Variants in SUCO observed in about 807,000 individuals in gnomAD.
SUCO encodes the protein SUN domain-containing ossification factor.
In SUCO, 57 loss-of-function variants were observed where a neutral mutation model predicts 148.1. The ratio of observed to expected loss-of-function variants is 0.38; its 90% CI spans 0.31 to 0.48. The LOEUF is 0.48. Ranked by LOEUF, SUCO falls within the 20% of genes least tolerant of loss-of-function variation. SUCO has a pLI of 0.96. For synonymous variants in SUCO, 470 were observed against 502.7 expected (o/e 0.93, Z 0.87); for missense variants, 1,331 against 1,468.2 (o/e 0.91, Z 1.53).
At chr1:172,583,027 CAA>C (rs900281741) in intron 15 of SUCO, among the ~76,000 whole-genome samples, 1 of 152,090 alleles carries the variant, frequency 6.6e-6, no homozygotes, top group African/African-American at 2.4e-5. Flanking sequence ...CACTTTGAAA[CAA>C]AGTATATAAA....
At chr1:172,571,192 G>T (rs1292241875) in intron 9 of SUCO, among the ~76,000 whole-genome samples, 1 of 150,604 alleles carries the variant, frequency 6.6e-6, no homozygotes, top group African/African-American at 2.4e-5. Flanking sequence ...CGGAGTGCCT[G>T]CGATTGCAGG....
rs1357841291 is a variant in SUCO, at chr1:172,533,237, C to T, written c.-199C>T. The T allele has an allele frequency of 7.8e-6, 12 of 1,546,468 alleles. No individual in the cohort carries two copies. The highest frequency in any genetic ancestry group is 1.2e-5 in the South Asian group (1 of 83,766). ...GGTCCCCGGAGTCCTGTGAAGCGCC[C>T]CTGTCCGCGCCTCTGTGGGGCCCTC... is the stretch of plus-strand genomic sequence containing the variant. On this transcript the variant is annotated 5_prime_UTR_variant, in exon 1 of 24. Coordinates refer to ENST00000263688, the MANE Select transcript of SUCO (RefSeq NM_014283.5).
chr1:172,557,895 A>G, intron 6 of SUCO, 101 bp downstream of exon 6: 1 of 921,980 alleles, frequency 1.1e-6, no homozygotes, highest in South Asian at 2.0e-5. Context: ...TCATAAAATC[A>G]GGGAGATTAA....
At chr1:172,569,243 T>C (rs1654770606) in intron 7 of SUCO, 101 bp downstream of exon 7, 25 of 1,188,600 alleles carry the variant, frequency 2.1e-5, no homozygotes, top group Non-Finnish European at 2.8e-5. Context: ...AAATTTACTT[T>C]TGAAAACTTT....
chr1:172,594,679 T>C (rs1656947019), intron 19 of SUCO, among the ~76,000 whole-genome samples: 1 of 152,208 alleles, frequency 6.6e-6, no homozygotes, highest in South Asian at 2.1e-4. Context: ...TTACATTTGC[T>C]GAGGAGTGCT....
intron 6 of SUCO, 64 bp downstream of exon 6, chr1:172,557,858 C>T: frequency 7.8e-7 from 1 of 1,285,878 alleles, no homozygotes; most frequent in Non-Finnish European, 1.1e-6. Flanking sequence ...ATTAGCTAAG[C>T]TTATAATAAT....
chr1:172,602,403 CTA>C, intron 21 of SUCO, 185 bp downstream of exon 21: 1 of 983,006 alleles, frequency 1.0e-6, no homozygotes, highest in Non-Finnish European at 1.2e-6. Context: ...GCTCTGTAGA[CTA>C]TAATAGAGAA....
intron 1 of SUCO, among the ~76,000 whole-genome samples, chr1:172,544,718 G>A (rs576071426): frequency 1.3e-5 from 2 of 152,084 alleles, no homozygotes; most frequent in African/African-American, 4.8e-5. Context: ...TGAAAGGCAG[G>A]GAGAGTGACA....
intron 1 of SUCO, among the ~76,000 whole-genome samples, chr1:172,550,154 C>G (rs769872632): frequency 6.6e-6 from 1 of 151,882 alleles, no homozygotes; most frequent in Non-Finnish European, 1.5e-5. Flanking sequence ...ACTGTAGTTT[C>G]ATATAGATCT....
At chr1:172,606,123 AT>A (rs1431441468) in intron 22 of SUCO, among the ~76,000 whole-genome samples, 1 of 151,438 alleles carries the variant, frequency 6.6e-6, no homozygotes, top group African/African-American at 2.4e-5. Flanking sequence ...ACGTGTGTGA[AT>A]TTTGTATTGT....
chr1:172,572,361 ATTC>A (rs1480338000), intron 9 of SUCO, among the ~76,000 whole-genome samples: 1 of 151,866 alleles, frequency 6.6e-6, no homozygotes, highest in Non-Finnish European at 1.5e-5. Context: ...ACTAAGAAAA[ATTC>A]TTCTGCCTTG....
intron 10 of SUCO, chr1:172,574,892 C>T (rs2149249713): frequency 1.0e-6 from 1 of 985,178 alleles, no homozygotes; most frequent in Non-Finnish European, 1.2e-6. Context: ...TCTGCCGCTA[C>T]CCTTGCTCAG....
In SUCO at chr1:172,590,979, C is replaced by A; in HGVS notation, c.2826-5C>A. On this transcript the variant is annotated splice_region_variant and splice_polypyrimidine_tract_variant and intron_variant, in intron 18 of 23. Coordinates refer to ENST00000263688, the MANE Select transcript of SUCO (RefSeq NM_014283.5). The stretch of plus-strand genomic sequence containing the variant: ...AGCTGATTTAGACCAATTCTTACTT[C>A]ATAGGTACCGAAAACAAATGGAAGA... The A allele has an allele frequency of 1.4e-5, 23 of 1,604,898 alleles. No individual in the cohort carries two copies. Among genetic ancestry groups the A allele is most frequent in the Non-Finnish European group, 1.9e-5 (22 of 1,173,382 alleles).
chr1:172,572,740 G>C (rs1223660311), intron 9 of SUCO, among the ~76,000 whole-genome samples: 1 of 145,036 alleles, frequency 6.9e-6, no homozygotes, highest in Non-Finnish European at 1.5e-5. Flanking sequence ...TAAGGGGGCA[G>C]TGCTAAAAAG....
At chr1:172,557,213 T>C in intron 4 of SUCO, 67 bp from the exon 5 acceptor site, 1 of 1,534,236 alleles carries the variant, frequency 6.5e-7, no homozygotes, top group East Asian at 2.3e-5. Context: ...TCACTAATAG[T>C]GTTTTTAATG....
intron 15 of SUCO, 131 bp from the exon 16 acceptor site, chr1:172,584,887 T>C (rs1656129848): frequency 1.8e-6 from 1 of 542,776 alleles, no homozygotes; most frequent in Non-Finnish European, 3.2e-6. Context: ...ACTTTAGTTG[T>C]GAGGTGAATA....
At chr1:172,602,945 A>G (rs989861899) in intron 22 of SUCO, 158 bp downstream of exon 22, 6 of 614,640 alleles carry the variant, frequency 9.8e-6, no homozygotes, top group South Asian at 2.3e-5. Context: ...TCATTTTCAC[A>G]TTTTATATCT....
At chr1:172,584,953 C>A in intron 15 of SUCO, 65 bp from the exon 16 acceptor site, 1 of 1,045,954 alleles carries the variant, frequency 9.6e-7, no homozygotes, top group Non-Finnish European at 1.4e-6. Context: ...TTTTGACTAT[C>A]TGATATTAAT....
At chr1:172,565,339 T>C (rs1654475128) in intron 6 of SUCO, among the ~76,000 whole-genome samples, 1 of 152,192 alleles carries the variant, frequency 6.6e-6, no homozygotes, top group African/African-American at 2.4e-5. Context: ...AAAGCAGTTA[T>C]AAGACAGCTC....
Sources: gnomAD v4.1 joint callset for allele counts (sites outside exome capture counted in the v4.1 genomes callset) on GRCh38, gnomAD v4.1.1 for gene constraint, MANE v1.5 for transcripts, NCBI Gene and HGNC (gene_info 2026-07-23, HGNC 2026-07-21) for gene names.